Variants in CCDC148 observed in about 807,000 individuals in gnomAD.
CCDC148 encodes coiled-coil domain containing 148.
CCDC148 carries 89 observed loss-of-function variants against 85.7 expected under a neutral mutation model. The ratio of observed to expected loss-of-function variants is 1.04; its 90% CI spans 0.87 to 1.24. The LOEUF (loss-of-function observed/expected upper bound fraction) is 1.24, where lower values mean the gene tolerates loss of function less well. Ranked by LOEUF, CCDC148 falls within the 50% of genes most tolerant of loss-of-function variation. CCDC148 has a pLI of 0.00. For missense variants in CCDC148, 692 were observed against 671.7 expected (o/e 1.03, Z -0.33); for synonymous variants, 230 against 213.9 (o/e 1.08, Z -0.66).
chr2:158,283,256 A>C (rs1559042468), intron 9 of CCDC148, among the ~76,000 whole-genome samples: 1 of 152,262 alleles, frequency 6.6e-6, no homozygotes, highest in Non-Finnish European at 1.5e-5. Context: ...AAGCAATGGC[A>C]ACAAAAGCCA....
chr2:158,223,650 T>C (rs1306050077), intron 10 of CCDC148, among the ~76,000 whole-genome samples: 1 of 152,120 alleles, frequency 6.6e-6, no homozygotes, highest in East Asian at 1.9e-4. Context: ...GGCAGCAACA[T>C]TTGCTGTTCA....
intron 11 of CCDC148, among the ~76,000 whole-genome samples, chr2:158,217,045 C>T (rs1377499811): frequency 6.6e-6 from 1 of 151,940 alleles, no homozygotes; most frequent in Non-Finnish European, 1.5e-5. Context: ...GATTCTAGAG[C>T]CTTCCCTCTT....
intron 9 of CCDC148, among the ~76,000 whole-genome samples, chr2:158,305,845 GC>G (rs1691660266): frequency 6.6e-6 from 1 of 150,948 alleles, no homozygotes; most frequent in African/African-American, 2.4e-5. Context: ...TATAAGCAAG[GC>G]AACATTAATC....
chr2:158,205,235 C>T (rs933117465), intron 11 of CCDC148, among the ~76,000 whole-genome samples: 4 of 152,018 alleles, frequency 2.6e-5, no homozygotes, highest in Admixed American at 1.3e-4. Flanking sequence ...TTTAATAAGC[C>T]CTTGGCTGTA....
chr2:158,348,040 C>CA (rs1434367322), intron 2 of CCDC148, among the ~76,000 whole-genome samples: 19 of 152,056 alleles, frequency 1.2e-4, no homozygotes, highest in Non-Finnish European at 1.8e-4. Context: ...CAAAGTGATA[C>CA]AACCCCCATA....
intron 9 of CCDC148, among the ~76,000 whole-genome samples, chr2:158,290,406 T>C (rs966989815): frequency 2.0e-5 from 3 of 152,186 alleles, no homozygotes; most frequent in Non-Finnish European, 2.9e-5. Flanking sequence ...AGTTCGACTG[T>C]TTAGCCAGAG....
intron 8 of CCDC148, among the ~76,000 whole-genome samples, chr2:158,310,723 G>A (rs1303405076): frequency 5.3e-5 from 8 of 149,584 alleles, no homozygotes; most frequent in Non-Finnish European, 1.2e-4. Context: ...CCTCCCAGAC[G>A]GGGCGGCCGG....
At chr2:158,354,812 T>C (rs1683535568) in intron 2 of CCDC148, among the ~76,000 whole-genome samples, 2 of 150,818 alleles carry the variant, frequency 1.3e-5, no homozygotes, top group African/African-American at 2.4e-5. Context: ...TGATGAACAT[T>C]GATGCAAAAA....
chr2:158,304,013 G>A (rs62184076), intron 9 of CCDC148, among the ~76,000 whole-genome samples: 8,896 of 151,842 alleles, frequency 0.059, 364 homozygotes, highest in Non-Finnish European at 0.081. Flanking sequence ...CATTGTTTTT[G>A]TCCTCCATTC....
At chr2:158,274,252 G>C (rs560532481) in intron 9 of CCDC148, among the ~76,000 whole-genome samples, 1 of 152,080 alleles carries the variant, frequency 6.6e-6, no homozygotes, top group South Asian at 2.1e-4. Flanking sequence ...CCCCAGAATC[G>C]GCAGTTTAAA....
intron 10 of CCDC148, among the ~76,000 whole-genome samples, chr2:158,246,800 C>A (rs1246525109): frequency 6.6e-6 from 1 of 152,156 alleles, no homozygotes; most frequent in Admixed American, 6.6e-5. Context: ...AACCCCAGAC[C>A]AGTGCTGTGC....
intron 9 of CCDC148, among the ~76,000 whole-genome samples, chr2:158,284,594 G>A (rs1690526435): frequency 6.6e-6 from 1 of 152,168 alleles, no homozygotes; most frequent in Non-Finnish European, 1.5e-5. Context: ...AGTCAGCTGG[G>A]ATCCTTGATA....
chr2:158,324,387 T>C (rs1692666694), intron 7 of CCDC148, among the ~76,000 whole-genome samples: 1 of 152,210 alleles, frequency 6.6e-6, no homozygotes, highest in South Asian at 2.1e-4. Context: ...AAACCATTTG[T>C]GTCATTAGAA....
At chr2:158,175,105 G>T (rs532841023) in intron 13 of CCDC148, among the ~76,000 whole-genome samples, 41 of 152,108 alleles carry the variant, frequency 2.7e-4, no homozygotes, top group African/African-American at 9.9e-4. Context: ...ATCTTACACT[G>T]AAGACATACT....
chr2:158,267,805 T>C (rs1689534606), intron 9 of CCDC148, among the ~76,000 whole-genome samples: 1 of 152,158 alleles, frequency 6.6e-6, no homozygotes, highest in South Asian at 2.1e-4. Context: ...GTCCCTATAG[T>C]TTTGCCTTTT....
At chr2:158,267,236 G>A (rs769375956) in intron 9 of CCDC148, among the ~76,000 whole-genome samples, 1 of 151,924 alleles carries the variant, frequency 6.6e-6, no homozygotes. Context: ...CAGCTCCCGT[G>A]GCTTTGGATA....
chr2:158,343,116 C>T (rs890824709), intron 3 of CCDC148, among the ~76,000 whole-genome samples: 9 of 152,080 alleles, frequency 5.9e-5, no homozygotes, highest in Admixed American at 2.0e-4. Flanking sequence ...AACGCCTAGG[C>T]TGAAGTGATC....
intron 1 of CCDC148, among the ~76,000 whole-genome samples, chr2:158,410,979 G>T (rs1464626135): frequency 3.3e-5 from 5 of 151,522 alleles, no homozygotes; most frequent in African/African-American, 1.2e-4. Context: ...GTATCATCTT[G>T]GTTTGCAATT....
chr2:158,325,428 C>A (rs1442814343), intron 7 of CCDC148, among the ~76,000 whole-genome samples: 7 of 152,154 alleles, frequency 4.6e-5, no homozygotes, highest in Non-Finnish European at 8.8e-5. Context: ...TTCTCAGTGT[C>A]CTTTGTTGGC....
Sources: gnomAD v4.1 joint callset for allele counts (sites outside exome capture counted in the v4.1 genomes callset) on GRCh38, gnomAD v4.1.1 for gene constraint, MANE v1.5 for transcripts, NCBI Gene and HGNC (gene_info 2026-07-23, HGNC 2026-07-21) for gene names.